The following FTO variants were observed in gnomAD, a reference collection of about 807,000 sequenced individuals.
The protein encoded by FTO is alpha-ketoglutarate-dependent dioxygenase FTO.
A neutral mutation model predicts 63.9 loss-of-function variants in FTO; 47 were observed. The observed-to-expected ratio is 0.74, with a 90% CI of 0.58 to 0.94. The LOEUF is 0.94. Among genes scored for constraint, FTO ranks in the 40% least tolerant of loss-of-function variants. FTO has a pLI of 0.00. For synonymous variants in FTO, 207 were observed against 224.4 expected (o/e 0.92, Z 0.69); for missense variants, 562 against 618.1 (o/e 0.91, Z 0.96).
intron 1 of FTO, among the ~76,000 whole-genome samples, chr16:53,752,290 T>C (rs1450655278): frequency 1.3e-5 from 2 of 152,120 alleles, no homozygotes; most frequent in African/African-American, 2.4e-5. Flanking sequence ...GAGGCAAAGA[T>C]TGGGCTGATC....
intron 4 of FTO, among the ~76,000 whole-genome samples, chr16:53,873,498 G>A (rs1276050589): frequency 6.7e-6 from 1 of 148,796 alleles, no homozygotes. Context: ...GTATATATAA[G>A]TATATCATAT....
intron 7 of FTO, among the ~76,000 whole-genome samples, chr16:53,919,627 G>GT (rs2081962385): frequency 6.6e-6 from 1 of 152,104 alleles, no homozygotes; most frequent in South Asian, 2.1e-4. Flanking sequence ...ATGTATATAT[G>GT]TATACCAAAT....
intron 1 of FTO, among the ~76,000 whole-genome samples, chr16:53,771,639 T>C (rs564436575): frequency 2.0e-5 from 3 of 152,194 alleles, no homozygotes; most frequent in Admixed American, 1.3e-4. Flanking sequence ...GAAATGACAA[T>C]GTATGTCCAC....
chr16:54,026,340 G>A (rs2084715922), intron 8 of FTO, among the ~76,000 whole-genome samples: 1 of 152,110 alleles, frequency 6.6e-6, no homozygotes, highest in South Asian at 2.1e-4. Flanking sequence ...CTACATTACA[G>A]GTAGGAAGAA....
At chr16:54,035,995 T>C (rs1485454324) in intron 8 of FTO, among the ~76,000 whole-genome samples, 1 of 152,190 alleles carries the variant, frequency 6.6e-6, no homozygotes, top group Non-Finnish European at 1.5e-5. Flanking sequence ...GCCTGTAAGC[T>C]TTGATTTCAA....
intron 1 of FTO, among the ~76,000 whole-genome samples, chr16:53,808,057 C>A (rs2078417707): frequency 6.6e-6 from 1 of 152,098 alleles, no homozygotes; most frequent in South Asian, 2.1e-4. Flanking sequence ...GTAATCCCAG[C>A]ACTTTGGGAG....
chr16:53,715,251 A>C (rs901392011), intron 1 of FTO, among the ~76,000 whole-genome samples: 1 of 152,156 alleles, frequency 6.6e-6, no homozygotes, highest in Non-Finnish European at 1.5e-5. Context: ...TAAACAGAAC[A>C]TCACCCACTT....
intron 1 of FTO, among the ~76,000 whole-genome samples, chr16:53,794,552 G>C (rs951043490): frequency 6.6e-6 from 1 of 152,162 alleles, no homozygotes; most frequent in Non-Finnish European, 1.5e-5. Flanking sequence ...TAAAGCCAGG[G>C]GCAGGGATGA....
chr16:53,964,858 A>G (rs185038021), intron 8 of FTO, among the ~76,000 whole-genome samples: 1 of 152,274 alleles, frequency 6.6e-6, no homozygotes, highest in Admixed American at 6.5e-5. Context: ...TAGTATGAAG[A>G]TTTCATTTTA....
At chr16:54,076,355 A>C (rs2085992719) in intron 8 of FTO, among the ~76,000 whole-genome samples, 1 of 152,152 alleles carries the variant, frequency 6.6e-6, no homozygotes, top group Non-Finnish European at 1.5e-5. Context: ...CCTCTTCATG[A>C]GAATAAAGGA....
intron 1 of FTO, among the ~76,000 whole-genome samples, chr16:53,791,552 T>C (rs1250434163): frequency 1.3e-5 from 2 of 152,200 alleles, no homozygotes; most frequent in Non-Finnish European, 2.9e-5. Context: ...ATTACATATA[T>C]GATGGTTAGG....
intron 8 of FTO, among the ~76,000 whole-genome samples, chr16:54,044,840 A>G (rs1286032965): frequency 1.1e-5 from 1 of 90,612 alleles, no homozygotes; most frequent in African/African-American, 8.7e-5. Flanking sequence ...AAACTGAACA[A>G]CCTGCTCCTG....
intron 1 of FTO, among the ~76,000 whole-genome samples, chr16:53,727,928 G>A (rs1263138453): frequency 6.6e-6 from 1 of 152,134 alleles, no homozygotes; most frequent in African/African-American, 2.4e-5. Context: ...TACATCCAGT[G>A]TTAGCAGGAA....
intron 8 of FTO, among the ~76,000 whole-genome samples, chr16:54,009,599 C>T (rs1163056112): frequency 6.6e-6 from 1 of 152,112 alleles, no homozygotes; most frequent in Non-Finnish European, 1.5e-5. Context: ...ATACTGGTTC[C>T]CAGATGATAT....
Position 53,909,532 on chromosome 16 carries a change from CTTTTTTTTTTT to C in FTO, c.1239+20601_1239+20611del, listed in dbSNP as rs58121446. ...GAAAAAGAGGGACAGAGAGCCCCGC[CTTTTTTTTTTT>C]TTTTTTTTTTTTTTTTTTTGAGACA... On this transcript the variant is annotated intron_variant, in intron 7 of 8. Coordinates refer to ENST00000471389, the MANE Select transcript of FTO (RefSeq NM_001080432.3). Among the ~76,000 whole-genome samples the C allele has an allele frequency of 2.1e-4, 15 of 71,184 alleles. 1 individual carries two copies. Among genetic ancestry groups the C allele is most frequent in the African/African-American group, 9.6e-4 (14 of 14,544 alleles). 46.7% of individuals were successfully genotyped at this position (71,184 alleles called of 152,430 possible).
chr16:53,878,524 A>G (rs532380779), intron 5 of FTO, among the ~76,000 whole-genome samples: 1 of 152,336 alleles, frequency 6.6e-6, no homozygotes, highest in South Asian at 2.1e-4. Flanking sequence ...ATTGTATAAA[A>G]TGGCAGTAAA....
In FTO at chr16:54,120,325, G is replaced by A. The variant is rs1266047890; in HGVS notation, c.*8410G>A. ...ACTGCCATATTGCCAGCTCTTCATA[G>A]TATTGACTCTTCAGTCTTAGCCAAC... On this transcript the variant is annotated 3_prime_UTR_variant, in exon 9 of 9. Transcript: ENST00000471389. The A allele has an allele frequency of 1.3e-5, 2 of 152,242 alleles. No individual in the cohort carries two copies. Among genetic ancestry groups the A allele is most frequent in the African/African-American group, 4.8e-5 (2 of 41,456 alleles). The allele number at this position is 152,242 out of a possible 1,614,324, so 9.4% of individuals were successfully genotyped here.
intron 8 of FTO, among the ~76,000 whole-genome samples, chr16:53,989,188 A>G (rs1387761847): frequency 6.6e-6 from 1 of 152,172 alleles, no homozygotes; most frequent in African/African-American, 2.4e-5. Context: ...GCGTGAAAGA[A>G]TGTGCAGGAC....
At chr16:53,750,916 T>C (rs564239755) in intron 1 of FTO, among the ~76,000 whole-genome samples, 1 of 152,342 alleles carries the variant, frequency 6.6e-6, no homozygotes, top group South Asian at 2.1e-4. Context: ...TTACGAAGGT[T>C]GTAGGTCTAA....
Sources: gnomAD v4.1 joint callset for allele counts (sites outside exome capture counted in the v4.1 genomes callset) on GRCh38, gnomAD v4.1.1 for gene constraint, MANE v1.5 for transcripts, NCBI Gene and HGNC (gene_info 2026-07-23, HGNC 2026-07-21) for gene names.